The following SLC38A6 variants were observed in gnomAD, a reference collection of about 807,000 sequenced individuals.
SLC38A6 encodes the protein solute carrier family 38 member 6.
In SLC38A6, 73 loss-of-function variants were observed where a neutral mutation model predicts 65.0. That is an observed-to-expected ratio of 1.12 (90% CI 0.93 to 1.37). The LOEUF (loss-of-function observed/expected upper bound fraction) is 1.37, where lower values mean the gene tolerates loss of function less well. SLC38A6 is among the 40% of genes most tolerant of loss of function. The probability of loss-of-function intolerance (pLI) is 0.00; values close to 1 mark genes in which losing one functional copy is unlikely to be tolerated. For missense variants in SLC38A6, 561 were observed against 531.1 expected (o/e 1.06, Z -0.55); for synonymous variants, 183 against 178.8 (o/e 1.02, Z -0.19).
At chr14:61,051,118 C>G (rs916013784) in intron 13 of SLC38A6, among the ~76,000 whole-genome samples, 2 of 152,144 alleles carry the variant, frequency 1.3e-5, no homozygotes, top group Non-Finnish European at 2.9e-5. Context: ...TTCATTGCAT[C>G]TGGTTGCTAT....
In SLC38A6 at chr14:61,019,597, G is replaced by C; in HGVS notation, c.403+17G>C. The C allele has an allele frequency of 6.2e-7, 1 of 1,611,492 alleles. No homozygotes were observed. The highest frequency in any genetic ancestry group is 8.5e-7 in the Non-Finnish European group (1 of 1,177,838). On this transcript the variant is annotated intron_variant, in intron 5 of 15. Transcript: ENST00000267488. ...ATATTGGAGGTAAGCAATTGCAAGT[G>C]CACTGTTTATACATAAATGTGATGG... is the stretch of plus-strand genomic sequence containing the variant.
intron 13 of SLC38A6, 138 bp downstream of exon 13, chr14:61,050,774 C>A: frequency 2.6e-6 from 2 of 773,618 alleles, no homozygotes; most frequent in Admixed American, 3.6e-5. Flanking sequence ...TGATCAAAGA[C>A]TTCATACTTG....
At chr14:61,066,335 G>A (rs1047031283) in intron 15 of SLC38A6, among the ~76,000 whole-genome samples, 2 of 152,100 alleles carry the variant, frequency 1.3e-5, no homozygotes, top group African/African-American at 4.8e-5. Flanking sequence ...TCTGATAAAT[G>A]TGTTTATTAT....
chr14:61,073,726 T>C (rs1377885404), intron 15 of SLC38A6: 1 of 152,146 alleles, frequency 6.6e-6, no homozygotes, highest in East Asian at 1.9e-4. Flanking sequence ...ATTTATTTTG[T>C]GACTCACATA....
chr14:61,080,533 G>C (rs1171473603), intron 16 of SLC38A6, among the ~76,000 whole-genome samples: 2 of 152,196 alleles, frequency 1.3e-5, no homozygotes, highest in Non-Finnish European at 2.9e-5. Context: ...GTCTGAACTT[G>C]AGTTCTACCC....
chr14:61,023,167 A>G (rs2040428785), intron 5 of SLC38A6, among the ~76,000 whole-genome samples: 1 of 152,238 alleles, frequency 6.6e-6, no homozygotes, highest in African/African-American at 2.4e-5. Context: ...GTGATAAAAA[A>G]AGAAACTTGA....
At chr14:61,051,292 A>G (rs2042495066) in intron 13 of SLC38A6, among the ~76,000 whole-genome samples, 1 of 152,162 alleles carries the variant, frequency 6.6e-6, no homozygotes, top group South Asian at 2.1e-4. Context: ...CAGGGACTGG[A>G]TAAATTTTTT....
Position 61,030,253 on chromosome 14 carries a change from A to T in SLC38A6, c.404-192A>T, listed in dbSNP as rs1465148. Among the ~76,000 whole-genome samples, 100,107 of 150,240 alleles carry T rather than the reference A, an allele frequency of 0.67. 33,309 individuals carry two copies. The highest frequency in any genetic ancestry group is 0.7 in the Non-Finnish European group (47,089 of 67,574). On this transcript the variant is annotated intron_variant, in intron 5 of 15. Transcript: ENST00000267488. ...CTTAACAATTGTTATTCTTCTCTAC[A>T]GTTACTTTTCTGTGTGTGTGTGTGT...
At position 61,083,460 on chromosome 14, in the gene SLC38A6, A is replaced by T. The variant is rs1281240428; in HGVS notation, c.1409-95A>T. The T allele has an allele frequency of 2.7e-6, 4 of 1,469,518 alleles. No individual in the cohort carries two copies. In the African/African-American group the frequency reaches 5.7e-5, roughly 21 times the overall value. The allele number at this position is 1,469,518 out of a possible 1,614,324, so 91.0% of individuals were successfully genotyped here. A position where few individuals can be genotyped will look rare whatever the true frequency, so the allele number is the denominator to read the frequency against. ...CCAATCCCCAGGACCTCAGAATGCA[A>T]CTGTATTTGGAGATAGGGTCTTTAA... On this transcript the variant is annotated intron_variant, in intron 16 of 16. Coordinates refer to the SLC38A6 transcript ENST00000354886.
rs189041482 is a variant in SLC38A6, at chr14:61,023,068, G to A, written c.403+3488G>A. ...GTTTCTGAGAAGAGCTCAATAAGTAGTATTTGTTGAATGAATTGGACAGTT... is the reference window on the plus strand; with the variant it reads ...GTTTCTGAGAAGAGCTCAATAAGTAATATTTGTTGAATGAATTGGACAGTT... On this transcript the variant is annotated intron_variant, in intron 5 of 15. Transcript: ENST00000267488. 2.8e-3 allele frequency among the ~76,000 whole-genome samples: 427 copies of A among 152,274 alleles called. 2 individuals are homozygous for A. Among genetic ancestry groups the A allele is most frequent in the African/African-American group, 9.8e-3 (407 of 41,564 alleles).
At chr14:61,074,479 G>A (rs1364102071) in intron 15 of SLC38A6, among the ~76,000 whole-genome samples, 1 of 152,158 alleles carries the variant, frequency 6.6e-6, no homozygotes, top group Non-Finnish European at 1.5e-5. Context: ...TCACATGGTG[G>A]AGAAAGAGTG....
chr14:61,046,302 G>C, intron 12 of SLC38A6, 135 bp downstream of exon 12: 1 of 515,334 alleles, frequency 1.9e-6, no homozygotes. Flanking sequence ...GCAGTACTGT[G>C]GTGGCTCTTG....
chr14:61,009,706 T>G (rs2039412316), intron 3 of SLC38A6, among the ~76,000 whole-genome samples: 1 of 152,338 alleles, frequency 6.6e-6, no homozygotes, highest in African/African-American at 2.4e-5. Context: ...ACAAAGGACA[T>G]GCACTCATCA....
intron 15 of SLC38A6, among the ~76,000 whole-genome samples, chr14:61,065,080 C>G (rs889648955): frequency 1.3e-5 from 2 of 152,006 alleles, no homozygotes; most frequent in African/African-American, 4.8e-5. Context: ...TGTGAAGGCC[C>G]TTTAAACACC....
At chr14:61,018,664 T>C (rs756551197) in intron 4 of SLC38A6, among the ~76,000 whole-genome samples, 2 of 152,186 alleles carry the variant, frequency 1.3e-5, no homozygotes, top group African/African-American at 2.4e-5. Context: ...TACTGTTTCC[T>C]CTAAGCATAT....
At position 61,024,624 on chromosome 14, in the gene SLC38A6, A is replaced by G. The variant is rs550514439; in HGVS notation, c.403+5044A>G. Among the ~76,000 whole-genome samples, 391 of 152,374 alleles carry G rather than the reference A, an allele frequency of 2.6e-3. 3 individuals are homozygous for G. Among genetic ancestry groups the G allele is most frequent in the Non-Finnish European group, 4.4e-3 (302 of 68,036 alleles). The stretch of plus-strand genomic sequence containing the variant: ...GTAGTTTTCACATAGTTCCTGTAAC[A>G]GTGTTGTATTATGTGATTCTTTTCT... On this transcript the variant is annotated intron_variant, in intron 5 of 15. Coordinates refer to ENST00000267488, the MANE Select transcript of SLC38A6 (RefSeq NM_153811.3).
At chr14:61,010,582 A>G (rs1487250495) in intron 3 of SLC38A6, among the ~76,000 whole-genome samples, 6 of 152,282 alleles carry the variant, frequency 3.9e-5, no homozygotes, top group South Asian at 4.1e-4. Context: ...AAGGGATCCA[A>G]GTTCACCTTT....
chr14:60,999,151 G>C (rs1403202999), intron 3 of SLC38A6, among the ~76,000 whole-genome samples: 1 of 152,178 alleles, frequency 6.6e-6, no homozygotes, highest in Non-Finnish European at 1.5e-5. Flanking sequence ...AGTTTTTGCT[G>C]AAGCAGTGAG....
chr14:60,991,397 ATAT>A (rs752067539), intron 3 of SLC38A6, among the ~76,000 whole-genome samples: 1 of 152,192 alleles, frequency 6.6e-6, no homozygotes, highest in Non-Finnish European at 1.5e-5. Flanking sequence ...CTTCATAATA[ATAT>A]TATGAGGTAC....
Sources: allele counts gnomAD v4.1 joint callset (sites outside exome capture counted in the v4.1 genomes callset), GRCh38; gene constraint gnomAD v4.1.1; transcripts MANE v1.5; gene names NCBI Gene and HGNC (gene_info 2026-07-23, HGNC 2026-07-21).